AP1S3: variants seen among roughly 807,000 people sequenced by gnomAD.
AP1S3 encodes the protein adaptor related protein complex 1 subunit sigma 3.
In AP1S3, 10 loss-of-function variants were observed where a neutral mutation model predicts 20.9. The observed-to-expected ratio is 0.48, with a 90% CI of 0.29 to 0.81. The LOEUF (loss-of-function observed/expected upper bound fraction) is 0.81. Among genes scored for constraint, AP1S3 ranks in the 30% least tolerant of loss-of-function variants. The pLI, the probability that AP1S3 is intolerant of heterozygous loss-of-function variation, is 0.08. For synonymous variants in AP1S3, 41 were observed against 61.5 expected, an observed-to-expected ratio of 0.67 and a Z score of 1.56; for missense variants, 154 against 183.8, an observed-to-expected ratio of 0.84 and a Z score of 0.94.
At chr2:223,766,392 G>A (rs1690479909) in intron 3 of AP1S3, among the ~76,000 whole-genome samples, 1 of 152,148 alleles carries the variant, frequency 6.6e-6, no homozygotes, top group Non-Finnish European at 1.5e-5. Context: ...TGTTCACTCT[G>A]ATGATACTTT....
intron 3 of AP1S3, among the ~76,000 whole-genome samples, chr2:223,773,523 T>C (rs1053148093): frequency 6.6e-6 from 1 of 152,246 alleles, no homozygotes; most frequent in African/African-American, 2.4e-5. Context: ...TCTAGTTGTC[T>C]TATTGCTGTT....
chr2:223,823,561 A>C (rs1692045733), intron 1 of AP1S3, among the ~76,000 whole-genome samples: 1 of 152,204 alleles, frequency 6.6e-6, no homozygotes, highest in African/African-American at 2.4e-5. Context: ...GAGAGAGAGT[A>C]GAATAGTGGT....
At chr2:223,781,192 T>C (rs764079248) in intron 1 of AP1S3, among the ~76,000 whole-genome samples, 4 of 152,118 alleles carry the variant, frequency 2.6e-5, no homozygotes, top group Admixed American at 6.6e-5. Context: ...CATTCCACCA[T>C]TGATGGGCAC....
At chr2:223,819,548 T>A (rs914367869) in intron 1 of AP1S3, among the ~76,000 whole-genome samples, 6 of 151,962 alleles carry the variant, frequency 3.9e-5, no homozygotes, top group Non-Finnish European at 8.8e-5. Flanking sequence ...GACATTTAAT[T>A]ATATATCTTT....
At chr2:223,767,256 G>A (rs1391107475) in intron 3 of AP1S3, among the ~76,000 whole-genome samples, 1 of 151,862 alleles carries the variant, frequency 6.6e-6, no homozygotes, top group African/African-American at 2.4e-5. Context: ...TCAGCCACAT[G>A]TGGTACTCTT....
chr2:223,801,311 G>C (rs558616957), intron 1 of AP1S3, among the ~76,000 whole-genome samples: 1 of 152,294 alleles, frequency 6.6e-6, no homozygotes, highest in South Asian at 2.1e-4. Flanking sequence ...GCTGGGCTTT[G>C]ATTCCAGAGC....
intron 1 of AP1S3, among the ~76,000 whole-genome samples, chr2:223,792,152 A>C (rs1691228588): frequency 6.6e-6 from 1 of 152,214 alleles, no homozygotes; most frequent in African/African-American, 2.4e-5. Flanking sequence ...AAACTATTTT[A>C]AAATTCATAT....
chr2:223,789,884 T>TA (rs1177605297), intron 1 of AP1S3, among the ~76,000 whole-genome samples: 2 of 145,750 alleles, frequency 1.4e-5, no homozygotes, highest in Non-Finnish European at 3.0e-5. Context: ...GAAGGTGTAA[T>TA]GATATCAAGA....
At chr2:223,765,388 G>T in intron 3 of AP1S3, 38 bp from the exon 4 acceptor site, 1 of 1,580,444 alleles carries the variant, frequency 6.3e-7, no homozygotes, top group Non-Finnish European at 8.6e-7. Context: ...TAAACTTGCA[G>T]TTGTATCAGG....
intron 1 of AP1S3, among the ~76,000 whole-genome samples, chr2:223,796,083 G>A (rs1206687895): frequency 6.6e-6 from 1 of 152,164 alleles, no homozygotes; most frequent in African/African-American, 2.4e-5. Context: ...TGAGGCAGGA[G>A]AATCGCTTGA....
Position 223,777,929 on chromosome 2 carries a change from A to G in AP1S3, c.4-60T>C, listed in dbSNP as rs1690829464. 2.1e-6 allele frequency: 3 copies of G among 1,429,136 alleles called. No individual in the cohort carries two copies. In the East Asian group the frequency reaches 6.9e-5, roughly 33 times the overall value. The allele number at this position is 1,429,136 out of a possible 1,614,324, so 88.5% of individuals were successfully genotyped here. On this transcript the variant is annotated intron_variant, in intron 1 of 4. Coordinates refer to ENST00000396654, the MANE Select transcript of AP1S3 (RefSeq NM_001039569.2). ...AACCAAGTCACTCTGCCGTTCTGCA[A>G]AGACACTGAAATTCAATGATGGATT...
chr2:223,767,163 C>A (rs571834720), intron 3 of AP1S3, among the ~76,000 whole-genome samples: 1 of 151,944 alleles, frequency 6.6e-6, no homozygotes, highest in East Asian at 1.9e-4. Flanking sequence ...TGCATGTATC[C>A]CAGAACTTAA....
intron 1 of AP1S3, among the ~76,000 whole-genome samples, chr2:223,809,091 GTTA>G (rs1484902893): frequency 1.3e-5 from 2 of 152,178 alleles, no homozygotes; most frequent in African/African-American, 4.8e-5. Flanking sequence ...CTTACAATCT[GTTA>G]TTAATATAAT....
intron 1 of AP1S3, among the ~76,000 whole-genome samples, chr2:223,806,295 T>TG (rs2106114615): frequency 6.7e-6 from 1 of 148,322 alleles, no homozygotes; most frequent in African/African-American, 2.5e-5. Flanking sequence ...TTTTTTTTTT[T>TG]TTTTTTGAGA....
intron 1 of AP1S3, among the ~76,000 whole-genome samples, chr2:223,805,616 A>G (rs539866795): frequency 9.2e-5 from 14 of 152,268 alleles, no homozygotes; most frequent in Admixed American, 5.9e-4. Flanking sequence ...ACACCATTCT[A>G]ATTTACTTTA....
chr2:223,757,403 C>T lies in AP1S3; in HGVS notation c.*1312G>A. The T allele has an allele frequency of 5.7e-6, 1 of 174,664 alleles. No individual in the cohort carries two copies. 10.8% of individuals were successfully genotyped at this position (174,664 alleles called of 1,614,324 possible). On this transcript the variant is annotated 3_prime_UTR_variant, in exon 5 of 5. Coordinates refer to ENST00000396654, the MANE Select transcript of AP1S3 (RefSeq NM_001039569.2). ...TCTTGACCTTGTGATCCGCCCACCT[C>T]TGCCTCCCAAAGTGCTGGAATTATA...
chr2:223,792,776 G>A (rs1266233728), intron 1 of AP1S3, among the ~76,000 whole-genome samples: 1 of 152,080 alleles, frequency 6.6e-6, no homozygotes, highest in Non-Finnish European at 1.5e-5. Context: ...CATCAGAGTA[G>A]ACAGACATCC....
chr2:223,807,358 C>G (rs1047088503), intron 1 of AP1S3, among the ~76,000 whole-genome samples: 1 of 152,124 alleles, frequency 6.6e-6, no homozygotes, highest in South Asian at 2.1e-4. Flanking sequence ...TTCTGGACAG[C>G]TAGAAATAGA....
At chr2:223,774,563 T>C (rs1274899573) in intron 3 of AP1S3, among the ~76,000 whole-genome samples, 1 of 151,554 alleles carries the variant, frequency 6.6e-6, no homozygotes, top group Non-Finnish European at 1.5e-5. Context: ...TTAAGGAAGA[T>C]GGTAACTAAT....
Sources: gnomAD v4.1 joint callset for allele counts (sites outside exome capture counted in the v4.1 genomes callset) on GRCh38, gnomAD v4.1.1 for gene constraint, MANE v1.5 for transcripts, NCBI Gene and HGNC (gene_info 2026-07-23, HGNC 2026-07-21) for gene names.